Variants in TMCC2 observed in about 807,000 individuals in gnomAD.
TMCC2 encodes transmembrane and coiled-coil domain family 2.
In TMCC2, 16 loss-of-function variants were observed where a neutral mutation model predicts 49.4. The ratio of observed to expected loss-of-function variants is 0.32; its 90% CI spans 0.22 to 0.49. The LOEUF (loss-of-function observed/expected upper bound fraction) is 0.49. Among genes scored for constraint, TMCC2 ranks in the 20% least tolerant of loss-of-function variants. The pLI, the probability that TMCC2 is intolerant of heterozygous loss-of-function variation, is 0.99. For synonymous variants in TMCC2, 397 were observed against 434.1 expected, an observed-to-expected ratio of 0.91 and a Z score of 1.06; for missense variants, 762 against 989.8, an observed-to-expected ratio of 0.77 and a Z score of 3.09.
chr1:205,228,603 G>A lies in TMCC2; in HGVS notation c.39G>A (p.Gln13=), dbSNP rs1372738633. 6.2e-7 allele frequency: 1 copy of A among 1,612,610 alleles called. No individual in the cohort carries two copies. Among genetic ancestry groups the A allele is most frequent in the African/African-American group, 1.3e-5 (1 of 74,984 alleles). ...GATCGGACGAGCTGCAGCAACAACA[G>A]GGCGAGGAGGATGGAGCTGGGCTGG... is the stretch of plus-strand genomic sequence containing the variant. ...RCRSDELQQQ[Q]GEEDGAGLED... is the part of the protein sequence containing the mutation. Residue 13 remains glutamine (Q), a synonymous_variant, in exon 1 of 5, where the codon CAG becomes CAA. Transcript: ENST00000358024.
At chr1:205,263,010 C>T (rs1661177486) in intron 2 of TMCC2, among the ~76,000 whole-genome samples, 1 of 152,154 alleles carries the variant, frequency 6.6e-6, no homozygotes, top group Non-Finnish European at 1.5e-5. Context: ...GTTCCAGCCT[C>T]GAATGCAAAA....
At chr1:205,230,679 C>T (rs1015943775) in intron 1 of TMCC2, among the ~76,000 whole-genome samples, 8 of 152,170 alleles carry the variant, frequency 5.3e-5, no homozygotes, top group African/African-American at 1.9e-4. Flanking sequence ...CAACTCAGGA[C>T]AGCAGTGGAA....
rs1388951778 is a variant in TMCC2 at position 205,269,342 on chromosome 1, G to T, written c.1140G>T (p.Met380Ile). The T allele has an allele frequency of 6.2e-7, 1 of 1,612,930 alleles. No homozygotes were observed. Among genetic ancestry groups the T allele is most frequent in the Non-Finnish European group, 8.5e-7 (1 of 1,179,768 alleles). The change falls in exon 3 of 5, where the codon ATG (methionine) becomes ATT (isoleucine). Residue 380 changes from methionine to isoleucine, a missense_variant. Coordinates refer to ENST00000358024, the MANE Select transcript of TMCC2 (RefSeq NM_014858.4). ...SRQPKDVLRDMQQGLKDVGAN... is the reference protein window; with the variant it reads ...SRQPKDVLRDIQQGLKDVGAN... ...AGCCCAAGGACGTGCTGCGGGACAT[G>T]CAGCAGGGGCTGAAGGACGTGGGCG...
Position 205,271,959 on chromosome 1 carries a change from C to T in TMCC2, c.1965C>T (p.Ala655=), listed in dbSNP as rs372664345. ...TCAACGTGATCCTGGCGCTCATGGCCGTGCTGCTGGTGTTCGTGTCCACCA... is the reference window on the plus strand; with the variant it reads ...TCAACGTGATCCTGGCGCTCATGGCTGTGCTGCTGGTGTTCGTGTCCACCA... ...KFINVILALM[A]VLLVFVSTIA... The change falls in exon 5 of 5, where the codon GCC becomes GCT. Residue 655 remains alanine, a synonymous_variant. Coordinates refer to ENST00000358024, the MANE Select transcript of TMCC2 (RefSeq NM_014858.4). The T allele has an allele frequency of 4.6e-5, 74 of 1,614,182 alleles. 1 individual carries two copies. Among genetic ancestry groups the T allele is most frequent in the African/African-American group, 2.4e-4 (18 of 75,042 alleles).
At chr1:205,271,786 C>G in intron 4 of TMCC2, 27 bp from the exon 5 acceptor site, 1 of 1,599,504 alleles carries the variant, frequency 6.3e-7, no homozygotes, top group Non-Finnish European at 8.5e-7. Context: ...CCTGAGCGCA[C>G]ACATGCCAGC....
At chr1:205,261,678 C>CAAA (rs200199840) in intron 2 of TMCC2, among the ~76,000 whole-genome samples, 1 of 143,672 alleles carries the variant, frequency 7.0e-6, no homozygotes, top group Non-Finnish European at 1.5e-5. Flanking sequence ...GAACCCGTCT[C>CAAA]AAAAAAAAAA....
intron 1 of TMCC2, among the ~76,000 whole-genome samples, chr1:205,236,068 CAA>C (rs3060144): frequency 0.24 from 27,371 of 116,196 alleles, 3,101 homozygotes; most frequent in East Asian, 0.52. Flanking sequence ...GACTCTGTCT[CAA>C]AAAAAAAAAA....
chr1:205,257,072 C>A, intron 2 of TMCC2: 2 of 975,308 alleles, frequency 2.1e-6, no homozygotes, highest in South Asian at 5.4e-5. Flanking sequence ...CTCATCAGAG[C>A]TCGGTCCTCC....
At chr1:205,240,968 T>C (rs1047470218) in intron 1 of TMCC2, among the ~76,000 whole-genome samples, 3 of 152,138 alleles carry the variant, frequency 2.0e-5, no homozygotes, top group African/African-American at 4.8e-5. Flanking sequence ...AAAATAGATA[T>C]TGGGTAGGCA....
intron 2 of TMCC2, among the ~76,000 whole-genome samples, chr1:205,266,463 C>G (rs566242445): frequency 6.6e-6 from 1 of 151,486 alleles, no homozygotes; most frequent in Non-Finnish European, 1.5e-5. Flanking sequence ...CGTGGCGGCT[C>G]ATGCCTGTAA....
chr1:205,234,833 A>G (rs1459796634), intron 1 of TMCC2, among the ~76,000 whole-genome samples: 1 of 151,818 alleles, frequency 6.6e-6, no homozygotes, highest in Non-Finnish European at 1.5e-5. Context: ...CTAATTTTCT[A>G]TTTTGAGTAG....
rs934388708 is a variant in TMCC2, at chr1:205,264,921, T to A, written c.748-4029T>A. Among the ~76,000 whole-genome samples, 7 of 152,144 alleles carry A rather than the reference T, an allele frequency of 4.6e-5. No individual in the cohort carries two copies. The highest frequency in any genetic ancestry group is 1.7e-4 in the African/African-American group (7 of 41,424). On this transcript the variant is annotated intron_variant, in intron 2 of 4. Coordinates refer to ENST00000358024, the MANE Select transcript of TMCC2 (RefSeq NM_014858.4). This position sits in a 1 kb window ranked among gnomAD's most constrained non-coding sequence, Gnocchi z 4.2. ...ATCCTTTGTCCAAAACATTTAGAAT[T>A]TGAGAAAAAGAGAAGAGCCCAGAGG...
rs915951139 is a variant in TMCC2 at position 205,263,556 on chromosome 1, G to A, written c.748-5394G>A. Among the ~76,000 whole-genome samples, 5 of 152,202 alleles carry A rather than the reference G, an allele frequency of 3.3e-5. No homozygotes were observed. In the South Asian group the frequency reaches 1.0e-3, roughly 32 times the overall value. ...AAAATACACAAATTAGCCAGGTGTG[G>A]TGGCATGTACCTGTAGTCCCTGCTA... On this transcript the variant is annotated intron_variant, in intron 2 of 4. Coordinates refer to ENST00000358024, the MANE Select transcript of TMCC2 (RefSeq NM_014858.4).
intron 2 of TMCC2, among the ~76,000 whole-genome samples, chr1:205,255,390 AC>A (rs1660823758): frequency 6.6e-6 from 1 of 151,914 alleles, no homozygotes; most frequent in Non-Finnish European, 1.5e-5. Flanking sequence ...TCGTCTCTGT[AC>A]TAAAAATACA....
intron 1 of TMCC2, among the ~76,000 whole-genome samples, chr1:205,240,823 C>T (rs952500524): frequency 6.6e-6 from 1 of 152,170 alleles, no homozygotes; most frequent in Non-Finnish European, 1.5e-5. Context: ...CAAAAGTGCT[C>T]CCAGAAGCTC....
chr1:205,246,827 C>A, intron 2 of TMCC2: 1 of 863,916 alleles, frequency 1.2e-6, no homozygotes, highest in Non-Finnish European at 1.8e-6. Flanking sequence ...CCATGAAGAC[C>A]TCCTGAGCAG....
chr1:205,257,275 C>T (rs2102583239), intron 2 of TMCC2: 1 of 1,232,254 alleles, frequency 8.1e-7, no homozygotes, highest in Non-Finnish European at 1.0e-6. Flanking sequence ...GTCTGTGACC[C>T]CGGGGGCCTG....
intron 2 of TMCC2, among the ~76,000 whole-genome samples, chr1:205,260,794 G>C (rs908376644): frequency 2.7e-5 from 4 of 145,636 alleles, no homozygotes; most frequent in African/African-American, 1.0e-4. Context: ...GGCCTTTCTT[G>C]TCTGGTTTGT....
intron 2 of TMCC2, chr1:205,257,339 A>G (rs1660918486): frequency 1.6e-6 from 2 of 1,232,080 alleles, no homozygotes; most frequent in Admixed American, 8.4e-5. Context: ...CATCGCCGGC[A>G]CGGCTTCGGG....
Sources: gnomAD v4.1 joint callset for allele counts (sites outside exome capture counted in the v4.1 genomes callset) on GRCh38, gnomAD v4.1.1 for gene constraint, Gnocchi (gnomAD v3.1) non-coding constraint, MANE v1.5 for transcripts, NCBI Gene and HGNC (gene_info 2026-07-23, HGNC 2026-07-21) for gene names.